The following XKR9 variants were observed in gnomAD, a reference collection of about 807,000 sequenced individuals.
XKR9 encodes the protein XK related 9, also known as XK-related protein 9.
XKR9 carries 32 observed loss-of-function variants against 32.0 expected under a neutral mutation model. That is an observed-to-expected ratio of 1.00 (90% CI 0.76 to 1.34). The LOEUF (loss-of-function observed/expected upper bound fraction) is 1.34, where lower values mean the gene tolerates loss of function less well. Ranked by LOEUF, XKR9 falls within the 40% of genes most tolerant of loss-of-function variation. The pLI, the probability that XKR9 is intolerant of heterozygous loss-of-function variation, is 0.00. For synonymous variants in XKR9, 168 were observed against 143.4 expected, an observed-to-expected ratio of 1.17 and a Z score of -1.22; for missense variants, 546 against 429.7, an observed-to-expected ratio of 1.27 and a Z score of -2.39.
the XKR9 span, among the ~76,000 whole-genome samples, chr8:70,978,219 A>G: frequency 6.6e-6 from 1 of 151,070 alleles, no homozygotes; most frequent in East Asian, 1.9e-4. Context: ...TAACTGGAGC[A>G]TTTAGCCCAT....
intron 3 of XKR9, among the ~76,000 whole-genome samples, chr8:70,705,023 C>G (rs1457605651): frequency 6.6e-6 from 1 of 152,136 alleles, no homozygotes; most frequent in Non-Finnish European, 1.5e-5. Context: ...TATTCCAGAA[C>G]TGTGATGGTA....
At chr8:70,745,290 AG>A (rs1197333485) in intron 2 of XKR9, among the ~76,000 whole-genome samples, 1 of 152,238 alleles carries the variant, frequency 6.6e-6, no homozygotes, top group Admixed American at 6.5e-5. Context: ...TGGCTTTATA[AG>A]ACTTTTAAAT....
At chr8:71,015,434 A>G in the XKR9 span, among the ~76,000 whole-genome samples, 1 of 152,190 alleles carries the variant, frequency 6.6e-6, no homozygotes, top group Non-Finnish European at 1.5e-5. Flanking sequence ...ACATCTTACC[A>G]TTAGATGTTT....
the XKR9 span, among the ~76,000 whole-genome samples, chr8:70,948,592 A>G: frequency 2.0e-5 from 3 of 152,288 alleles, no homozygotes; most frequent in South Asian, 2.1e-4. Context: ...TCTGGTCTAT[A>G]CAATACCCAC....
chr8:70,981,554 G>A, the XKR9 span, among the ~76,000 whole-genome samples: 1 of 151,998 alleles, frequency 6.6e-6, no homozygotes. Flanking sequence ...TCTGTATCAT[G>A]TTTTTGATTT....
the XKR9 span, among the ~76,000 whole-genome samples, chr8:70,903,547 G>C: frequency 5.3e-4 from 81 of 151,988 alleles, no homozygotes; most frequent in African/African-American, 1.9e-3. Flanking sequence ...TATTAGTCTT[G>C]CTGGCAGTCT....
intron 2 of XKR9, among the ~76,000 whole-genome samples, chr8:70,743,002 T>C (rs892341881): frequency 1.3e-5 from 2 of 152,106 alleles, no homozygotes; most frequent in African/African-American, 4.8e-5. Context: ...ATTATTCTCA[T>C]GGTTTTTCTT....
the XKR9 span, among the ~76,000 whole-genome samples, chr8:71,023,618 A>T: frequency 6.6e-6 from 1 of 152,006 alleles, no homozygotes; most frequent in Non-Finnish European, 1.5e-5. Context: ...GCTGGTAGTG[A>T]CAGTAGTGGG....
intron 4 of XKR9, among the ~76,000 whole-genome samples, chr8:70,708,781 C>T (rs147522460): frequency 8.6e-5 from 13 of 151,976 alleles, no homozygotes; most frequent in Non-Finnish European, 1.6e-4. Context: ...TTATGTTATA[C>T]GAGTTCTGAG....
chr8:70,730,638 A>C (rs1487739535), intron 4 of XKR9, among the ~76,000 whole-genome samples: 2 of 152,190 alleles, frequency 1.3e-5, no homozygotes, highest in African/African-American at 4.8e-5. Context: ...GGAAAATTCA[A>C]GACAGGAACT....
At chr8:70,779,787 G>A (rs899799879) in intron 2 of XKR9, among the ~76,000 whole-genome samples, 22 of 152,256 alleles carry the variant, frequency 1.4e-4, no homozygotes, top group African/African-American at 5.3e-4. Context: ...ATTTCTGTGG[G>A]ATTGGTGGTG....
the XKR9 span, among the ~76,000 whole-genome samples, chr8:71,052,353 C>T: frequency 0.045 from 6,784 of 152,206 alleles, 368 homozygotes; most frequent in African/African-American, 0.14. Context: ...TTGAAATCCC[C>T]GACAGTGGGC....
At chr8:70,811,707 C>T in the XKR9 span, among the ~76,000 whole-genome samples, 2 of 152,152 alleles carry the variant, frequency 1.3e-5, no homozygotes, top group Non-Finnish European at 2.9e-5. Context: ...TGGATAAATT[C>T]CTCAACACAT....
chr8:70,709,884 T>C lies in XKR9; in HGVS notation c.493+2731T>C, dbSNP rs746145363. Among the ~76,000 whole-genome samples the C allele has an allele frequency of 6.6e-5, 10 of 152,158 alleles. 1 individual carries two copies. Among genetic ancestry groups the C allele is most frequent in the Non-Finnish European group, 1.3e-4 (9 of 68,020 alleles). Reference sequence around the variant, plus strand: ...AAAATGGCCATGCTGTCCAAAGCAATGTACAGATTCAGTGCTGTTCCTATC... The same window carrying C: ...AAAATGGCCATGCTGTCCAAAGCAACGTACAGATTCAGTGCTGTTCCTATC... On this transcript the variant is annotated intron_variant, in intron 4 of 4. Coordinates refer to ENST00000408926, the MANE Select transcript of XKR9 (RefSeq NM_001011720.2).
At chr8:70,741,048 T>G (rs894135981) in intron 2 of XKR9, among the ~76,000 whole-genome samples, 15 of 152,194 alleles carry the variant, frequency 9.9e-5, no homozygotes, top group Non-Finnish European at 1.9e-4. Context: ...TGTCTTTTTG[T>G]TTGTCTGTGC....
rs186197335 is a variant in XKR9 at position 70,755,183 on chromosome 8, G to A, written n.353-34156G>A. ...ATGCTCGTCATGACTGGCCGTCAGAGAAATGCAAATCAAAGCCACAATGAG... is the reference window on the plus strand; with the variant it reads ...ATGCTCGTCATGACTGGCCGTCAGAAAAATGCAAATCAAAGCCACAATGAG... On this transcript the variant is annotated intron_variant and non_coding_transcript_variant, in intron 2 of 3. Coordinates refer to the XKR9 transcript ENST00000520273. 9.7e-4 allele frequency among the ~76,000 whole-genome samples: 148 copies of A among 152,358 alleles called. 5 individuals carry two copies. The highest frequency in any genetic ancestry group is 8.2e-3 in the Admixed American group (126 of 15,306).
At chr8:70,856,607 T>C in the XKR9 span, among the ~76,000 whole-genome samples, 1 of 152,134 alleles carries the variant, frequency 6.6e-6, no homozygotes, top group Admixed American at 6.5e-5. Context: ...TGAACTCAGC[T>C]CTGCACCAAG....
At chr8:71,029,182 C>G in the XKR9 span, among the ~76,000 whole-genome samples, 1 of 151,958 alleles carries the variant, frequency 6.6e-6, no homozygotes, top group Non-Finnish European at 1.5e-5. Context: ...AAAAGCATTT[C>G]TTTAAAAAAA....
At chr8:70,759,758 T>C (rs1807282925) in intron 2 of XKR9, among the ~76,000 whole-genome samples, 1 of 152,230 alleles carries the variant, frequency 6.6e-6, no homozygotes, top group Non-Finnish European at 1.5e-5. Flanking sequence ...AGTACTCTGA[T>C]TTATGAACCC....
Sources: gnomAD v4.1 joint callset for allele counts (sites outside exome capture counted in the v4.1 genomes callset) on GRCh38, gnomAD v4.1.1 for gene constraint, MANE v1.5 for transcripts, NCBI Gene and HGNC (gene_info 2026-07-23, HGNC 2026-07-21) for gene names.